PHF19: variants seen among roughly 807,000 people sequenced by gnomAD.
PHF19 encodes PHD finger protein 19.
A neutral mutation model predicts 79.8 loss-of-function variants in PHF19; 21 were observed. That is an observed-to-expected ratio of 0.26 (90% CI 0.19 to 0.38). PHF19 has a LOEUF of 0.38. Among genes scored for constraint, PHF19 ranks in the 10% least tolerant of loss-of-function variants. PHF19 has a pLI of 1.00. For missense variants in PHF19, 445 were observed against 744.2 expected, an observed-to-expected ratio of 0.60 and a Z score of 4.68; for synonymous variants, 273 against 296.3, an observed-to-expected ratio of 0.92 and a Z score of 0.81.
the PHF19 span, among the ~76,000 whole-genome samples, chr9:120,902,226 C>CG: frequency 6.6e-6 from 1 of 152,114 alleles, no homozygotes; most frequent in Non-Finnish European, 1.5e-5. Flanking sequence ...TTATCACTTA[C>CG]GGGGGTGAGA....
intron 1 of PHF19, among the ~76,000 whole-genome samples, chr9:120,892,189 C>T (rs1316637597): frequency 6.6e-6 from 1 of 152,168 alleles, no homozygotes; most frequent in East Asian, 1.9e-4. Context: ...CAAAACTTAC[C>T]TGGGACCTGA....
rs1258322794 is a variant in PHF19, at chr9:120,874,254, A to G, written c.187-194T>C. On this transcript the variant is annotated intron_variant, in intron 2 of 14. Transcript: ENST00000373896. The surrounding 1 kb of genome is among the most constrained non-coding windows in gnomAD (Gnocchi z 4.5). ...TACAGCCAGGGACCGATGGATGGCA[A>G]CTTGGTCAGAATGTTGAGGACAGAA... 1.3e-5 allele frequency among the ~76,000 whole-genome samples: 2 copies of G among 152,184 alleles called. No homozygotes were observed. The highest frequency in any genetic ancestry group is 4.8e-5 in the African/African-American group (2 of 41,430).
In PHF19 at chr9:120,870,557, AG is replaced by A; in HGVS notation, c.269-20del. The A allele has an allele frequency of 6.9e-7, 1 of 1,456,798 alleles. No homozygotes were observed. The highest frequency in any genetic ancestry group is 9.6e-7 in the Non-Finnish European group (1 of 1,036,508). 90.2% of individuals were successfully genotyped at this position (1,456,798 alleles called of 1,614,324 possible). The stretch of plus-strand genomic sequence containing the variant: ...ACACCGGCTGAAAGAGAGGGCCTCG[AG>A]GGTCGGGTCCAGCTCACAGGAATGG... On this transcript the variant is annotated intron_variant, in intron 3 of 14. Transcript: ENST00000373896. The surrounding 1 kb of genome is among the most constrained non-coding windows in gnomAD (Gnocchi z 4.4).
chr9:120,903,747 T>A, the PHF19 span: 1 of 152,114 alleles, frequency 6.6e-6, no homozygotes, highest in Non-Finnish European at 1.5e-5. Context: ...CTGCGTGGCA[T>A]CTCCTTTGAG....
chr9:120,872,852 C>T (rs2045943888), intron 3 of PHF19, among the ~76,000 whole-genome samples: 1 of 151,952 alleles, frequency 6.6e-6, no homozygotes, highest in Non-Finnish European at 1.5e-5. Context: ...AAACTCCTGA[C>T]GTCAGGCGAT....
At chr9:120,884,488 C>T (rs1409636125) in intron 1 of PHF19, among the ~76,000 whole-genome samples, 1 of 152,164 alleles carries the variant, frequency 6.6e-6, no homozygotes, top group African/African-American at 2.4e-5. Flanking sequence ...CAAGATATAA[C>T]CAACTGCCCA....
chr9:120,863,992 G>T, intron 10 of PHF19, 57 bp downstream of exon 10: 1 of 1,370,668 alleles, frequency 7.3e-7, no homozygotes, highest in Non-Finnish European at 1.0e-6. Context: ...CTATGAGGTA[G>T]GAAGGAATCT....
the PHF19 span, among the ~76,000 whole-genome samples, chr9:120,900,020 T>C: frequency 6.6e-6 from 1 of 152,218 alleles, no homozygotes; most frequent in Non-Finnish European, 1.5e-5. Flanking sequence ...AGAGTCTTGC[T>C]CTGTCACCCA....
rs1410503720 is a variant in PHF19 at position 120,874,519 on chromosome 9, T to C, written c.186+37A>G. ...GGCTGGAACATGAGCAGAGAGATTCTGAGTCTGAGAACAGGGGCCAGAGAG... is the reference window on the plus strand; with the variant it reads ...GGCTGGAACATGAGCAGAGAGATTCCGAGTCTGAGAACAGGGGCCAGAGAG... On this transcript the variant is annotated intron_variant, in intron 2 of 14. Transcript: ENST00000373896. This position sits in a 1 kb window ranked among gnomAD's most constrained non-coding sequence, Gnocchi z 4.5. The C allele has an allele frequency of 7.4e-7, 1 of 1,354,666 alleles. No homozygotes were observed. The highest frequency in any genetic ancestry group is 1.1e-6 in the Non-Finnish European group (1 of 950,746). 83.9% of individuals were successfully genotyped at this position (1,354,666 alleles called of 1,614,324 possible).
chr9:120,879,792 T>A (rs2046152458), upstream of PHF19, among the ~76,000 whole-genome samples: 1 of 150,228 alleles, frequency 6.7e-6, no homozygotes, highest in African/African-American at 2.5e-5. Context: ...GTGGAGGGAG[T>A]TTAATGGGCT....
In PHF19 at chr9:120,862,897, GC is replaced by G; in HGVS notation, c.969-149del. The G allele has an allele frequency of 1.4e-6, 1 of 710,210 alleles. No homozygotes were observed. The highest frequency in any genetic ancestry group is 2.4e-6 in the Non-Finnish European group (1 of 414,686). 44.0% of individuals were successfully genotyped at this position (710,210 alleles called of 1,614,324 possible). A position where few individuals can be genotyped will look rare whatever the true frequency, so the allele number is the denominator to read the frequency against. On this transcript the variant is annotated intron_variant, in intron 10 of 14. Coordinates refer to ENST00000373896, the MANE Select transcript of PHF19 (RefSeq NM_015651.3). This position sits in a 1 kb window ranked among gnomAD's most constrained non-coding sequence, Gnocchi z 4.6. ...CTCTGCAGATGCTGACTTCCTCAAA[GC>G]CCATGGGATGCGGGGTTCCAGGTAG...
At chr9:120,864,707 T>C (rs1236373343) in intron 9 of PHF19, among the ~76,000 whole-genome samples, 1 of 151,468 alleles carries the variant, frequency 6.6e-6, no homozygotes, top group African/African-American at 2.4e-5. Context: ...ACAAAAAATT[T>C]TATGAAGATT....
intron 1 of PHF19, among the ~76,000 whole-genome samples, chr9:120,889,610 A>C (rs1230632518): frequency 6.6e-6 from 1 of 151,864 alleles, no homozygotes; most frequent in Non-Finnish European, 1.5e-5. Flanking sequence ...GTGTGGTGGC[A>C]GGCGCCTGTA....
chr9:120,887,298 T>C (rs1315901363), intron 1 of PHF19, among the ~76,000 whole-genome samples: 3 of 151,214 alleles, frequency 2.0e-5, no homozygotes, highest in Non-Finnish European at 4.4e-5. Flanking sequence ...CTACTAAAAA[T>C]GCAAAATTAG....
chr9:120,896,533 G>C (rs1037455623), upstream of PHF19, among the ~76,000 whole-genome samples: 1 of 142,946 alleles, frequency 7.0e-6, no homozygotes, highest in Non-Finnish European at 1.5e-5. Flanking sequence ...CTCACTGCAA[G>C]CTCCGCCTCC....
intron 1 of PHF19, among the ~76,000 whole-genome samples, chr9:120,887,698 G>T (rs2046286816): frequency 1.3e-5 from 2 of 150,832 alleles, no homozygotes; most frequent in African/African-American, 4.9e-5. Context: ...AATGATGATG[G>T]TATGCCTTAT....
At chr9:120,858,376 GA>G (rs763439880) in intron 14 of PHF19, 90 bp from the exon 15 acceptor site, 5 of 981,504 alleles carry the variant, frequency 5.1e-6, no homozygotes, top group Non-Finnish European at 7.2e-6. Flanking sequence ...TCAGTACCAG[GA>G]AAGTGGAAGA....
chr9:120,856,799 TG>T lies in PHF19; in HGVS notation c.*1144del. On this transcript the variant is annotated 3_prime_UTR_variant, in exon 15 of 15. Transcript: ENST00000373896. Reference sequence around the variant, plus strand: ...AGGGTGAGTCCCCTGTGCTTCCCTATGGGACCAATGCTGGTTGATGGGCTGA... The same window carrying T: ...AGGGTGAGTCCCCTGTGCTTCCCTATGGACCAATGCTGGTTGATGGGCTGA... 1 of 152,832 alleles carries T rather than the reference TG, an allele frequency of 6.5e-6. No homozygotes were observed. The highest frequency in any genetic ancestry group is 1.5e-5 in the Non-Finnish European group (1 of 68,092). The allele number at this position is 152,832 out of a possible 1,614,324, so 9.5% of individuals were successfully genotyped here.
chr9:120,859,920 C>T (rs1338929080), intron 14 of PHF19, among the ~76,000 whole-genome samples, 170 bp downstream of exon 14: 2 of 152,206 alleles, frequency 1.3e-5, no homozygotes, highest in Non-Finnish European at 2.9e-5. Flanking sequence ...CCCCGTGACT[C>T]AGAACCAGAG....
Sources: gnomAD v4.1 joint callset for allele counts (sites outside exome capture counted in the v4.1 genomes callset) on GRCh38, gnomAD v4.1.1 for gene constraint, Gnocchi (gnomAD v3.1) non-coding constraint, MANE v1.5 for transcripts, NCBI Gene and HGNC (gene_info 2026-07-23, HGNC 2026-07-21) for gene names.